DOK6: variants seen among roughly 807,000 people sequenced by gnomAD.
DOK6 encodes the protein docking protein 6.
Under a neutral mutation model 44.0 loss-of-function variants are expected in DOK6, and 22 were observed. The observed-to-expected ratio is 0.50, with a 90% CI of 0.36 to 0.71. DOK6 has a LOEUF of 0.71. Among genes scored for constraint, DOK6 ranks in the 30% least tolerant of loss-of-function variants. The pLI is 0.00. For missense variants in DOK6, 340 were observed against 416.4 expected (o/e 0.82, Z 1.60); for synonymous variants, 166 against 145.5 (o/e 1.14, Z -1.01).
At chr18:69,710,051 C>G (rs1454579724) in intron 5 of DOK6, among the ~76,000 whole-genome samples, 1 of 152,094 alleles carries the variant, frequency 6.6e-6, no homozygotes, top group Non-Finnish European at 1.5e-5. Context: ...TGGTGGTGTG[C>G]ACCTTTAGTC....
intron 1 of DOK6, 79 bp downstream of exon 1, chr18:69,401,389 G>A: frequency 7.2e-7 from 1 of 1,396,388 alleles, no homozygotes; most frequent in Non-Finnish European, 9.4e-7. Flanking sequence ...GCAGGGAGAG[G>A]TGACCCGTGC....
Position 69,444,047 on chromosome 18 carries a change from C to T in DOK6, c.66+42737C>T, listed in dbSNP as rs138652271. ...ATGCATGTGTGTATATATATGTATA[C>T]GCATGTACATTATATATAATTTGTC... is the stretch of plus-strand genomic sequence containing the variant. On this transcript the variant is annotated intron_variant, in intron 1 of 7. Coordinates refer to ENST00000382713, the MANE Select transcript of DOK6 (RefSeq NM_152721.6). Among the ~76,000 whole-genome samples, 1,065 of 151,900 alleles carry T rather than the reference C, an allele frequency of 7.0e-3. 13 individuals carry two copies. Among genetic ancestry groups the T allele is most frequent in the African/African-American group, 0.023 (963 of 41,404 alleles).
rs193193386 is a variant in DOK6, at chr18:69,539,221, T to G, written c.67-25266T>G. Among the ~76,000 whole-genome samples the G allele has an allele frequency of 2.6e-5, 4 of 152,276 alleles. No individual in the cohort carries two copies. The East Asian group carries it at 7.7e-4, about 29-fold the overall frequency. On this transcript the variant is annotated intron_variant, in intron 1 of 7. Coordinates refer to ENST00000382713, the MANE Select transcript of DOK6 (RefSeq NM_152721.6). ...TTAAAAAAACAACACCTCACATACC[T>G]CTGTCAAGCATTTAATCTGTCGTTC...
intron 2 of DOK6, among the ~76,000 whole-genome samples, chr18:69,572,646 G>A (rs1039563577): frequency 1.3e-5 from 2 of 151,850 alleles, no homozygotes; most frequent in African/African-American, 2.4e-5. Flanking sequence ...ACTAGTGAAG[G>A]AAAAAGGAAC....
At chr18:69,527,339 A>C (rs905833121) in intron 1 of DOK6, among the ~76,000 whole-genome samples, 6 of 152,188 alleles carry the variant, frequency 3.9e-5, no homozygotes, top group Non-Finnish European at 5.9e-5. Context: ...CTAAATGGCT[A>C]GGGAGGCCTC....
At chr18:69,601,350 C>T (rs1983868655) in intron 3 of DOK6, among the ~76,000 whole-genome samples, 1 of 152,154 alleles carries the variant, frequency 6.6e-6, no homozygotes, top group Non-Finnish European at 1.5e-5. Context: ...TCTGTGCTCC[C>T]ATCATCTCAA....
intron 1 of DOK6, among the ~76,000 whole-genome samples, chr18:69,560,777 C>A (rs181425269): frequency 1.4e-4 from 22 of 152,194 alleles, no homozygotes; most frequent in Admixed American, 2.0e-4. Context: ...ACACTTAACA[C>A]TTAATTGTCC....
At chr18:69,824,151 C>T (rs999821875) in intron 7 of DOK6, among the ~76,000 whole-genome samples, 8 of 150,684 alleles carry the variant, frequency 5.3e-5, no homozygotes, top group East Asian at 4.0e-4. Context: ...CCCATTAACT[C>T]GTCATTTAAC....
At chr18:69,807,848 G>A (rs999639842) in intron 7 of DOK6, among the ~76,000 whole-genome samples, 8 of 151,626 alleles carry the variant, frequency 5.3e-5, no homozygotes, top group East Asian at 1.9e-4. Context: ...ATAATAATAA[G>A]AGACTGCAAT....
chr18:69,538,768 G>A (rs558996692), intron 1 of DOK6, among the ~76,000 whole-genome samples: 81 of 152,156 alleles, frequency 5.3e-4, no homozygotes, highest in African/African-American at 1.7e-3. Context: ...CTCTCTGATT[G>A]TCTTCCTGAG....
At chr18:69,664,838 G>A (rs1985615750) in intron 3 of DOK6, among the ~76,000 whole-genome samples, 2 of 152,130 alleles carry the variant, frequency 1.3e-5, no homozygotes, top group African/African-American at 4.8e-5. Context: ...CTGTGCAAAG[G>A]ATCCCACCAA....
chr18:69,687,143 A>C (rs2144693182), intron 4 of DOK6, among the ~76,000 whole-genome samples: 1 of 152,334 alleles, frequency 6.6e-6, no homozygotes, highest in Non-Finnish European at 1.5e-5. Context: ...AATATCTTTC[A>C]TGAATCTAAG....
intron 5 of DOK6, among the ~76,000 whole-genome samples, chr18:69,710,215 A>C (rs1194641597): frequency 6.6e-6 from 1 of 152,232 alleles, no homozygotes. Context: ...ATTTTTAATA[A>C]TTTTCATTAC....
At chr18:69,476,283 T>C (rs1033558043) in intron 1 of DOK6, among the ~76,000 whole-genome samples, 1 of 152,224 alleles carries the variant, frequency 6.6e-6, no homozygotes, top group Admixed American at 6.5e-5. Context: ...GTTTTCTGGG[T>C]ATACAGATAT....
chr18:69,688,632 C>G (rs1382081278), intron 4 of DOK6, among the ~76,000 whole-genome samples: 2 of 152,178 alleles, frequency 1.3e-5, no homozygotes, highest in Non-Finnish European at 2.9e-5. Flanking sequence ...AAGTGATTCT[C>G]TTGCCTCAGT....
At chr18:69,426,267 C>T (rs1020590341) in intron 1 of DOK6, among the ~76,000 whole-genome samples, 2 of 152,136 alleles carry the variant, frequency 1.3e-5, no homozygotes, top group African/African-American at 4.8e-5. Flanking sequence ...AACACATTTT[C>T]CTTCCTCTCC....
intron 1 of DOK6, among the ~76,000 whole-genome samples, chr18:69,468,761 A>T (rs1277601617): frequency 6.6e-6 from 1 of 152,222 alleles, no homozygotes; most frequent in Middle Eastern, 3.2e-3. Context: ...TAGGTGTGGT[A>T]ATAGTCATAG....
At chr18:69,563,409 C>T (rs899129376) in intron 1 of DOK6, among the ~76,000 whole-genome samples, 11 of 152,078 alleles carry the variant, frequency 7.2e-5, no homozygotes, top group Admixed American at 6.6e-4. Context: ...CCCAAATGTC[C>T]AACAATGATA....
rs890762333 is a variant in DOK6, at chr18:69,590,014, T to C, written c.175-9370T>C. 1.6e-4 allele frequency among the ~76,000 whole-genome samples: 24 copies of C among 152,084 alleles called. 1 individual carries two copies. Among genetic ancestry groups the C allele is most frequent in the African/African-American group, 5.8e-4 (24 of 41,422 alleles). The stretch of plus-strand genomic sequence containing the variant: ...CTAAAATATCTAAATATGCCCTCCC[T>C]CTCACAGCATATACCCTAAGAGAAT... On this transcript the variant is annotated intron_variant, in intron 2 of 7. Transcript: ENST00000382713.
Sources: gnomAD v4.1 joint callset for allele counts (sites outside exome capture counted in the v4.1 genomes callset) on GRCh38, gnomAD v4.1.1 for gene constraint, MANE v1.5 for transcripts, NCBI Gene and HGNC (gene_info 2026-07-23, HGNC 2026-07-21) for gene names.